Variants in TLCD3A observed in about 807,000 individuals in gnomAD.
The protein encoded by TLCD3A is TLC domain containing 3A.
A neutral mutation model predicts 29.9 loss-of-function variants in TLCD3A; 17 were observed. The observed-to-expected ratio is 0.57, with a 90% CI of 0.39 to 0.85. TLCD3A has a LOEUF of 0.85. TLCD3A is among the 40% of genes least tolerant of loss of function. TLCD3A has a pLI of 0.00. For synonymous variants in TLCD3A, 143 were observed against 147.7 expected, an observed-to-expected ratio of 0.97 and a Z score of 0.23; for missense variants, 332 against 350.8, an observed-to-expected ratio of 0.95 and a Z score of 0.43.
chr17:735,986 CAAAAAAAAAA>C (rs55943725), intron 2 of TLCD3A, among the ~76,000 whole-genome samples: 4 of 107,276 alleles, frequency 3.7e-5, no homozygotes, highest in Admixed American at 1.1e-4. Context: ...AAACCAAAAC[CAAAAAAAAAA>C]AAAAAAAAAA....
chr17:732,635 A>T lies in TLCD3A; in HGVS notation c.-13A>T, dbSNP rs1323438044. On this transcript the variant is annotated 5_prime_UTR_variant, in exon 1 of 5. Coordinates refer to ENST00000308278, the MANE Select transcript of TLCD3A (RefSeq NM_024792.3). The stretch of plus-strand genomic sequence containing the variant: ...CACGCGGCGCCAGCGAGGCGGCCGG[A>T]CCCGCAGCCCCGATGCTGCTGACGC... The T allele has an allele frequency of 7.7e-5, 96 of 1,254,136 alleles. No individual in the cohort carries two copies. Among genetic ancestry groups the T allele is most frequent in the Non-Finnish European group, 9.0e-5 (90 of 1,000,430 alleles). The allele number at this position is 1,254,136 out of a possible 1,614,324, so 77.7% of individuals were successfully genotyped here. A position where few individuals can be genotyped will look rare whatever the true frequency, so the allele number is the denominator to read the frequency against.
chr17:733,137 G>T lies in TLCD3A; in HGVS notation c.162G>T (p.Ser54=). 6.3e-7 allele frequency: 1 copy of T among 1,587,268 alleles called. No individual in the cohort carries two copies. The highest frequency in any genetic ancestry group is 8.6e-7 in the Non-Finnish European group (1 of 1,168,792). Residue 54 remains serine, a synonymous_variant, in exon 2 of 5, where the codon TCG becomes TCT. Transcript: ENST00000308278. ...SSVHAVLATG[S]GIVIIRSCDD... ...TGCACGCCGTGCTGGCCACCGGCTC[G>T]GGGATCGTCATCATTCGCTCCTGCG... is the stretch of plus-strand genomic sequence containing the variant.
At chr17:740,924 C>T (rs937982436) in intron 4 of TLCD3A, among the ~76,000 whole-genome samples, 2 of 152,210 alleles carry the variant, frequency 1.3e-5, no homozygotes, top group African/African-American at 4.8e-5. Flanking sequence ...CTGGTCATCT[C>T]AGCCAGTGGG....
At chr17:741,170 G>C in intron 4 of TLCD3A, 131 bp from the exon 5 acceptor site, 1 of 857,410 alleles carries the variant, frequency 1.2e-6, no homozygotes, top group Non-Finnish European at 1.8e-6. Context: ...GGGCGCCAGG[G>C]AATCTGACAG....
chr17:734,345 C>G (rs959663461), intron 2 of TLCD3A, among the ~76,000 whole-genome samples: 3 of 149,538 alleles, frequency 2.0e-5, no homozygotes, highest in African/African-American at 2.5e-5. Context: ...TTTTTCCTGT[C>G]GAGACCTCAG....
At position 741,781 on chromosome 17, in the gene TLCD3A, G is replaced by C. The variant is rs952097014; in HGVS notation, c.*211G>C. On this transcript the variant is annotated 3_prime_UTR_variant, in exon 5 of 5. Transcript: ENST00000308278. The stretch of plus-strand genomic sequence containing the variant: ...TAGTAACAACTATTGGGTCCTGTCA[G>C]ACCTCCACGGACAGCAAAGTGGTTT... 2 of 604,116 alleles carry C rather than the reference G, an allele frequency of 3.3e-6. No individual in the cohort carries two copies. Among genetic ancestry groups the C allele is most frequent in the African/African-American group, 1.9e-5 (1 of 53,944 alleles). The allele number at this position is 604,116 out of a possible 1,614,324, so 37.4% of individuals were successfully genotyped here. A position where few individuals can be genotyped will look rare whatever the true frequency, so the allele number is the denominator to read the frequency against.
chr17:732,890 G>C lies in TLCD3A; in HGVS notation c.122+121G>C, dbSNP rs192831054. ...GAAGCCCGGGGGCTGCTCCCTCCGC[G>C]TCCCGGCGGCCCGAGTTTCCGAAGC... is the stretch of plus-strand genomic sequence containing the variant. On this transcript the variant is annotated intron_variant, in intron 1 of 4. Coordinates refer to ENST00000308278, the MANE Select transcript of TLCD3A (RefSeq NM_024792.3). The C allele has an allele frequency of 3.7e-3, 5,147 of 1,372,726 alleles. 157 individuals are homozygous for C. In the African/African-American group the frequency reaches 0.067, roughly 18 times the overall value. The allele number at this position is 1,372,726 out of a possible 1,614,324, so 85.0% of individuals were successfully genotyped here. A position where few individuals can be genotyped will look rare whatever the true frequency, so the allele number is the denominator to read the frequency against.
chr17:732,651 C>T lies in TLCD3A; in HGVS notation c.4C>T (p.Leu2=). 7.4e-7 allele frequency: 1 copy of T among 1,353,344 alleles called. No homozygotes were observed. The highest frequency in any genetic ancestry group is 9.5e-7 in the Non-Finnish European group (1 of 1,048,816). The allele number at this position is 1,353,344 out of a possible 1,614,324, so 83.8% of individuals were successfully genotyped here. A position where few individuals can be genotyped will look rare whatever the true frequency, so the allele number is the denominator to read the frequency against. Residue 2 remains leucine, a synonymous_variant, in exon 1 of 5, where the codon CTG becomes TTG. Coordinates refer to ENST00000308278, the MANE Select transcript of TLCD3A (RefSeq NM_024792.3). M[L]LTLAGGALFF... ...GGCGGCCGGACCCGCAGCCCCGATG[C>T]TGCTGACGCTGGCCGGGGGCGCGCT...
chr17:735,986 C>CAAAAAAAAAAAAAAA (rs55943725), intron 2 of TLCD3A, among the ~76,000 whole-genome samples: 9 of 107,238 alleles, frequency 8.4e-5, no homozygotes, highest in East Asian at 2.7e-4. Context: ...AAACCAAAAC[C>CAAAAAAAAAAAAAAA]AAAAAAAAAA....
intron 1 of TLCD3A, 64 bp downstream of exon 1, chr17:732,833 G>A: frequency 7.2e-7 from 1 of 1,381,006 alleles, no homozygotes; most frequent in Admixed American, 3.6e-5. Context: ...CCACCCGGCC[G>A]CGGGGCCCAG....
rs1266792155 is a variant in TLCD3A, at chr17:741,495, G to A, written c.699G>A (p.Gln233=). 2 of 1,614,166 alleles carry A rather than the reference G, an allele frequency of 1.2e-6. No individual in the cohort carries two copies. Among genetic ancestry groups the A allele is most frequent in the Admixed American group, 3.3e-5 (2 of 60,024 alleles). The stretch of plus-strand genomic sequence containing the variant: ...CCAATGCCTTCCTCGTAGCTCCTCA[G>A]ATCTACTGGTTCTGTCTGCTGTGCA... ...NVANAFLVAP[Q]IYWFCLLCRK... Residue 233 remains glutamine (Q), a synonymous_variant, in exon 5 of 5, where the codon CAG becomes CAA. Coordinates refer to ENST00000308278, the MANE Select transcript of TLCD3A (RefSeq NM_024792.3).
Position 732,740 on chromosome 17 carries a change from C to A in TLCD3A, c.93C>A (p.Ser31Arg). 1 of 1,454,244 alleles carries A rather than the reference C, an allele frequency of 6.9e-7. No homozygotes were observed. Among genetic ancestry groups the A allele is most frequent in the Non-Finnish European group, 9.0e-7 (1 of 1,105,686 alleles). 90.1% of individuals were successfully genotyped at this position (1,454,244 alleles called of 1,614,324 possible). ...TGCGCCGCTCCCAGCCCGGATGGAG[C>A]CGCACCGACTGCGTGATGATCAGCA... Reference protein sequence around the residue: ...WALRRSQPGWSRTDCVMISTR... With the variant: ...WALRRSQPGWRRTDCVMISTR... Residue 31 changes from serine (S) to arginine (R), a missense_variant, in exon 1 of 5, where the codon AGC becomes AGA. By Grantham distance (110) the Ser-to-Arg change is moderately radical. Coordinates refer to ENST00000308278, the MANE Select transcript of TLCD3A (RefSeq NM_024792.3).
In TLCD3A at chr17:741,890, G is replaced by A; in HGVS notation, c.*320G>A. 2.5e-6 allele frequency: 1 copy of A among 394,094 alleles called. No individual in the cohort carries two copies. Among genetic ancestry groups the A allele is most frequent in the East Asian group, 5.9e-5 (1 of 17,030 alleles). The allele number at this position is 394,094 out of a possible 1,614,324, so 24.4% of individuals were successfully genotyped here. ...GCATGGGGTGGGATCGGTGGACCAG[G>A]GTGGTAAGTGTCTGCACATCTGCCT... On this transcript the variant is annotated 3_prime_UTR_variant, in exon 5 of 5. Coordinates refer to ENST00000308278, the MANE Select transcript of TLCD3A (RefSeq NM_024792.3).
rs139971547 is a variant in TLCD3A, at chr17:737,950, G to A, written c.311G>A (p.Arg104His). The A allele has an allele frequency of 1.2e-5, 19 of 1,613,840 alleles. No individual in the cohort carries two copies. Among genetic ancestry groups the A allele is most frequent in the Middle Eastern group, 1.6e-4 (1 of 6,084 alleles). ...CEWCRTRDQN[R>H]APSLTLRNFL... ...TGGTGCCGAACCAGAGACCAGAACC[G>A]TGCGCCCTCCCTCACTCTTCGAAAC... is the stretch of plus-strand genomic sequence containing the variant. Residue 104 changes from arginine to histidine, a missense_variant, in exon 3 of 5, where the codon CGT becomes CAT. Physicochemically the swap from Arg to His is conservative, Grantham distance 29. Coordinates refer to ENST00000308278, the MANE Select transcript of TLCD3A (RefSeq NM_024792.3).
In TLCD3A at chr17:741,318, C is replaced by G. The variant is rs989604034; in HGVS notation, c.522C>G (p.Thr174=). ...RVLIQLKQQH[T]LLYKVNGILT... is the part of the protein sequence containing the mutation. ...TATTGCAGCTAAAGCAGCAGCACAC[C>G]CTTCTGTACAAGGTGAATGGAATCC... The change falls in exon 5 of 5, where the codon ACC becomes ACG. Residue 174 remains threonine, a synonymous_variant. Transcript: ENST00000308278. 2 of 1,614,136 alleles carry G rather than the reference C, an allele frequency of 1.2e-6. No homozygotes were observed. The highest frequency in any genetic ancestry group is 3.3e-5 in the Admixed American group (2 of 60,006).
chr17:738,378 G>T (rs1225874367), intron 3 of TLCD3A, among the ~76,000 whole-genome samples: 1 of 151,974 alleles, frequency 6.6e-6, no homozygotes, highest in African/African-American at 2.4e-5. Flanking sequence ...TTACAGGCAT[G>T]AGCCACTGCG....
intron 3 of TLCD3A, among the ~76,000 whole-genome samples, chr17:739,926 G>A (rs1974222181): frequency 6.6e-6 from 1 of 152,104 alleles, no homozygotes; most frequent in African/African-American, 2.4e-5. Flanking sequence ...TACATCTGTA[G>A]TTCCAGGTAC....
chr17:739,356 T>C (rs2144119896), intron 3 of TLCD3A, among the ~76,000 whole-genome samples: 1 of 152,212 alleles, frequency 6.6e-6, no homozygotes, highest in South Asian at 2.1e-4. Flanking sequence ...GCCTGGCTAA[T>C]TTTTATATTT....
chr17:734,481 T>G (rs192423713), intron 2 of TLCD3A, among the ~76,000 whole-genome samples: 326 of 150,874 alleles, frequency 2.2e-3, no homozygotes, highest in African/African-American at 4.7e-3. Flanking sequence ...CTAACTTTTT[T>G]TTGTTGTTGT....
Sources: allele counts gnomAD v4.1 joint callset (sites outside exome capture counted in the v4.1 genomes callset), GRCh38; gene constraint gnomAD v4.1.1; transcripts MANE v1.5; gene names NCBI Gene and HGNC (gene_info 2026-07-23, HGNC 2026-07-21).